UBE3D: variants seen among roughly 807,000 people sequenced by gnomAD.
The protein encoded by UBE3D is ubiquitin protein ligase E3D.
UBE3D carries 48 observed loss-of-function variants against 49.6 expected under a neutral mutation model. That is an observed-to-expected ratio of 0.97 (90% CI 0.77 to 1.23). UBE3D has a LOEUF of 1.23. Among genes scored for constraint, UBE3D ranks in the 50% most tolerant of loss-of-function variants. The probability of loss-of-function intolerance (pLI) is 0.00; values close to 1 mark genes in which losing one functional copy is unlikely to be tolerated. For missense variants in UBE3D, 452 were observed against 468.4 expected (o/e 0.96, Z 0.32); for synonymous variants, 189 against 174.2 (o/e 1.08, Z -0.67).
At chr6:82,953,359 T>C (rs1474246318) in intron 9 of UBE3D, among the ~76,000 whole-genome samples, 1 of 152,244 alleles carries the variant, frequency 6.6e-6, no homozygotes, top group Non-Finnish European at 1.5e-5. Flanking sequence ...AGGGCTGAAC[T>C]CTTCTTCGAG....
Position 82,905,092 on chromosome 6 carries a change from A to G in UBE3D, c.1150-12050T>C, listed in dbSNP as rs572986445. Among the ~76,000 whole-genome samples, 4 of 152,322 alleles carry G rather than the reference A, an allele frequency of 2.6e-5. No individual in the cohort carries two copies. In the East Asian group the frequency reaches 7.7e-4, roughly 29 times the overall value. On this transcript the variant is annotated intron_variant, in intron 9 of 9. Coordinates refer to ENST00000369747, the MANE Select transcript of UBE3D (RefSeq NM_198920.3). Reference sequence around the variant, plus strand: ...TGAATCCAGGATTAATGATTAAGCCATGGACCTTTAATATATGAAACTATT... The same window carrying G: ...TGAATCCAGGATTAATGATTAAGCCGTGGACCTTTAATATATGAAACTATT...
intron 3 of UBE3D, among the ~76,000 whole-genome samples, chr6:83,048,079 CAAAAAAAA>C (rs35344320): frequency 5.0e-4 from 24 of 48,086 alleles, no homozygotes; most frequent in African/African-American, 1.7e-3. Context: ...GACTCCAGCT[CAAAAAAAA>C]AAAAAAAAAA....
intron 9 of UBE3D, among the ~76,000 whole-genome samples, chr6:82,917,865 A>C (rs924977095): frequency 2.6e-5 from 4 of 152,054 alleles, no homozygotes; most frequent in Non-Finnish European, 5.9e-5. Context: ...TGTCTTTTGG[A>C]GTGTGCTGTC....
intron 9 of UBE3D, among the ~76,000 whole-genome samples, chr6:82,898,826 TA>T (rs974701421): frequency 4.6e-5 from 7 of 152,156 alleles, no homozygotes; most frequent in Middle Eastern, 3.4e-3. Flanking sequence ...TAAAGTATAA[TA>T]AAAAAAATTT....
intron 8 of UBE3D, among the ~76,000 whole-genome samples, chr6:82,979,024 T>A (rs944177141): frequency 6.6e-6 from 1 of 152,114 alleles, no homozygotes; most frequent in Non-Finnish European, 1.5e-5. Context: ...ACATTTTATC[T>A]CCTCCCTTAT....
intron 9 of UBE3D, among the ~76,000 whole-genome samples, chr6:82,903,990 C>G (rs1420637841): frequency 6.6e-6 from 1 of 152,112 alleles, no homozygotes; most frequent in African/African-American, 2.4e-5. Flanking sequence ...AGGTCAAGGA[C>G]AGTGTAGGGT....
chr6:83,051,843 C>G (rs531039874), intron 3 of UBE3D, among the ~76,000 whole-genome samples: 1 of 152,324 alleles, frequency 6.6e-6, no homozygotes, highest in South Asian at 2.1e-4. Context: ...TAACCTCTCA[C>G]TTATGCCAGA....
At chr6:82,924,384 T>C (rs1773592012) in intron 9 of UBE3D, among the ~76,000 whole-genome samples, 1 of 152,178 alleles carries the variant, frequency 6.6e-6, no homozygotes, top group African/African-American at 2.4e-5. Context: ...AATGATCAGA[T>C]ATTTAGCCAA....
At chr6:82,906,974 C>T (rs1772145836) in intron 9 of UBE3D, among the ~76,000 whole-genome samples, 1 of 152,120 alleles carries the variant, frequency 6.6e-6, no homozygotes, top group South Asian at 2.1e-4. Context: ...AATAGCTAAG[C>T]TTTATTATCA....
At chr6:82,913,246 T>C (rs1772658579) in intron 9 of UBE3D, among the ~76,000 whole-genome samples, 1 of 152,244 alleles carries the variant, frequency 6.6e-6, no homozygotes, top group East Asian at 1.9e-4. Flanking sequence ...ATCCACAAAG[T>C]TTCTATCACT....
intron 9 of UBE3D, among the ~76,000 whole-genome samples, chr6:82,908,064 T>C (rs1260944929): frequency 1.3e-5 from 2 of 152,090 alleles, no homozygotes; most frequent in African/African-American, 4.8e-5. Context: ...AAACATTATG[T>C]TAAAGTGGGA....
At chr6:83,031,837 C>G (rs369072577) in intron 5 of UBE3D, among the ~76,000 whole-genome samples, 13 of 152,300 alleles carry the variant, frequency 8.5e-5, no homozygotes, top group African/African-American at 3.1e-4. Flanking sequence ...CTAAAAGGGG[C>G]CAAGGTACAG....
intron 9 of UBE3D, among the ~76,000 whole-genome samples, chr6:82,928,510 G>T (rs1399377027): frequency 6.6e-6 from 1 of 152,090 alleles, no homozygotes; most frequent in Non-Finnish European, 1.5e-5. Context: ...AGCTTAAAAA[G>T]ATCTTTTAAC....
At chr6:82,930,811 A>G (rs551008117) in intron 9 of UBE3D, among the ~76,000 whole-genome samples, 1 of 152,328 alleles carries the variant, frequency 6.6e-6, no homozygotes, top group Admixed American at 6.5e-5. Context: ...GCAGCCTGAC[A>G]GTGCAGTATA....
At chr6:83,015,182 T>C (rs1270106947) in intron 8 of UBE3D, among the ~76,000 whole-genome samples, 1 of 152,164 alleles carries the variant, frequency 6.6e-6, no homozygotes, top group African/African-American at 2.4e-5. Context: ...ATTACGGGGC[T>C]CTTCAAAGAT....
chr6:82,964,692 T>C (rs1776786887), intron 8 of UBE3D, among the ~76,000 whole-genome samples: 1 of 152,166 alleles, frequency 6.6e-6, no homozygotes, highest in South Asian at 2.1e-4. Context: ...AGTGATAGAA[T>C]TTTTATAAAC....
chr6:82,903,772 AAAACAG>A, intron 9 of UBE3D, among the ~76,000 whole-genome samples: 1 of 152,194 alleles, frequency 6.6e-6, no homozygotes, highest in African/African-American at 2.4e-5. Context: ...AGGGGATCGC[AAAACAG>A]TAATTAGCCT....
At chr6:83,038,257 G>A (rs1782409252) in intron 5 of UBE3D, 159 bp downstream of exon 5, 1 of 573,036 alleles carries the variant, frequency 1.7e-6, no homozygotes, top group Non-Finnish European at 3.0e-6. Flanking sequence ...CAAACTTCTT[G>A]GTATATTGGA....
intron 8 of UBE3D, among the ~76,000 whole-genome samples, chr6:83,010,172 TA>T (rs1436703591): frequency 6.6e-6 from 1 of 152,118 alleles, no homozygotes; most frequent in Non-Finnish European, 1.5e-5. Flanking sequence ...ATAGTAAATT[TA>T]AATGTGTATT....
Sources: gnomAD v4.1 joint callset for allele counts (sites outside exome capture counted in the v4.1 genomes callset) on GRCh38, gnomAD v4.1.1 for gene constraint, MANE v1.5 for transcripts, NCBI Gene and HGNC (gene_info 2026-07-23, HGNC 2026-07-21) for gene names.